HSPH1: variants seen among roughly 807,000 people sequenced by gnomAD.
HSPH1 encodes heat shock protein family H (Hsp110) member 1.
A neutral mutation model predicts 100.0 loss-of-function variants in HSPH1; 40 were observed. The observed-to-expected ratio is 0.40, with a 90% CI of 0.31 to 0.52. The LOEUF is 0.52. HSPH1 is among the 20% of genes least tolerant of loss of function. The pLI is 0.54. For synonymous variants in HSPH1, 403 were observed against 344.0 expected, an observed-to-expected ratio of 1.17 and a Z score of -1.90; for missense variants, 876 against 1,015.1, an observed-to-expected ratio of 0.86 and a Z score of 1.86.
In HSPH1 at chr13:31,161,904, C is replaced by A. The variant is rs1406712069; in HGVS notation, c.-322G>T. 1 of 1,507,040 alleles carries A rather than the reference C, an allele frequency of 6.6e-7. No individual in the cohort carries two copies. Among genetic ancestry groups the A allele is most frequent in the Non-Finnish European group, 8.9e-7 (1 of 1,128,950 alleles). 93.4% of individuals were successfully genotyped at this position (1,507,040 alleles called of 1,614,324 possible). ...CGGCGCCGGCGCTGAACTACCGACC[C>A]AAAAGGGGAGGTCCCACTTCCTCAG... On this transcript the variant is annotated 5_prime_UTR_variant, in exon 1 of 18. Transcript: ENST00000320027.
rs192862800 is a variant in HSPH1 at position 31,136,343 on chromosome 13, C to A, written c.*975G>T. 6.6e-6 allele frequency: 1 copy of A among 152,082 alleles called. No homozygotes were observed. The highest frequency in any genetic ancestry group is 1.5e-5 in the Non-Finnish European group (1 of 68,020). The allele number at this position is 152,082 out of a possible 1,614,324, so 9.4% of individuals were successfully genotyped here. ...TAACATAGACACTCACACAAATATA[C>A]CCCCATCATTAGGGGTAAAAGGCTC... On this transcript the variant is annotated 3_prime_UTR_variant, in exon 18 of 18. Transcript: ENST00000320027.
chr13:31,161,986 GCCTCCACCGGCC>G (rs1566022859), upstream of HSPH1: 3 of 1,535,928 alleles, frequency 2.0e-6, no homozygotes, highest in South Asian at 2.4e-5. Context: ...ACTCACCGGC[GCCTCCACCGGCC>G]CCTCCACGTG....
intron 12 of HSPH1, among the ~76,000 whole-genome samples, chr13:31,143,544 T>C (rs1956170639): frequency 6.6e-6 from 1 of 152,100 alleles, no homozygotes; most frequent in African/African-American, 2.4e-5. Context: ...ATTAGTCTCT[T>C]GTTACTTCGA....
In HSPH1 at chr13:31,136,373, G is replaced by A. The variant is rs374373907; in HGVS notation, c.*945C>T. On this transcript the variant is annotated 3_prime_UTR_variant, in exon 18 of 18. Transcript: ENST00000320027. Reference sequence around the variant, plus strand: ...ATCATTAGGGGTAAAAGGCTCCAAGGATGTATAACGAAGTGTTAACAATGT... The same window carrying A: ...ATCATTAGGGGTAAAAGGCTCCAAGAATGTATAACGAAGTGTTAACAATGT... The A allele has an allele frequency of 2.5e-4, 38 of 152,214 alleles. 1 individual carries two copies. The highest frequency in any genetic ancestry group is 1.4e-3 in the East Asian group (7 of 5,178). 9.4% of individuals were successfully genotyped at this position (152,214 alleles called of 1,614,324 possible).
intron 4 of HSPH1, 115 bp downstream of exon 4, chr13:31,154,518 A>G (rs774629981): frequency 8.6e-7 from 1 of 1,169,516 alleles, no homozygotes; most frequent in Non-Finnish European, 1.3e-6. Flanking sequence ...AATACAGTCC[A>G]GTAGAACACG....
chr13:31,142,919 GAA>G, intron 12 of HSPH1, among the ~76,000 whole-genome samples: 1 of 152,162 alleles, frequency 6.6e-6, no homozygotes, highest in Non-Finnish European at 1.5e-5. Context: ...GCAGCTTTCA[GAA>G]ATCAGAGTCA....
At chr13:31,139,133 G>C in intron 14 of HSPH1, 26 bp from the exon 15 acceptor site, 1 of 1,338,632 alleles carries the variant, frequency 7.5e-7, no homozygotes, top group South Asian at 1.2e-5. Flanking sequence ...GACAATATTA[G>C]TGGCACTCGT....
Position 31,153,172 on chromosome 13 carries a change from C to G in HSPH1, c.430-221G>C, listed in dbSNP as rs181771399. ...AAATTACAGGATCAAAATAGTCTTT[C>G]TTATAACCAAGTTCAAGCTGAAATA... On this transcript the variant is annotated intron_variant, in intron 4 of 17. Transcript: ENST00000320027. Among the ~76,000 whole-genome samples, 3 of 152,232 alleles carry G rather than the reference C, an allele frequency of 2.0e-5. No homozygotes were observed. The East Asian group carries it at 5.8e-4, about 29-fold the overall frequency.
intron 4 of HSPH1, 147 bp from the exon 5 acceptor site, chr13:31,153,098 A>G (rs1462542203): frequency 1.2e-5 from 7 of 580,972 alleles, no homozygotes; most frequent in Non-Finnish European, 2.1e-5. Flanking sequence ...GTTTTCTGCA[A>G]GCTCCTTAAC....
At chr13:31,158,548 C>CAAAAAAAA (rs11363658) in intron 2 of HSPH1, among the ~76,000 whole-genome samples, 2 of 63,834 alleles carry the variant, frequency 3.1e-5, no homozygotes, top group African/African-American at 6.8e-5. Context: ...GACTCTATCT[C>CAAAAAAAA]AAAAAAAAAA....
intron 16 of HSPH1, 70 bp downstream of exon 16, chr13:31,138,711 T>A (rs889809442): frequency 6.4e-7 from 1 of 1,552,034 alleles, no homozygotes; most frequent in African/African-American, 1.4e-5. Flanking sequence ...TCATGATGAT[T>A]CCCAGCTTAA....
In HSPH1 at chr13:31,141,107, A is replaced by C; in HGVS notation, c.1854+15T>G. On this transcript the variant is annotated intron_variant, in intron 13 of 17. Transcript: ENST00000320027. ...AACATATTTCAAAATAAAAATATTT[A>C]ATTGAAGTACTTACCTCTGTCTCAA... 6.8e-7 allele frequency: 1 copy of C among 1,465,964 alleles called. No individual in the cohort carries two copies. Among genetic ancestry groups the C allele is most frequent in the South Asian group, 1.4e-5 (1 of 71,714 alleles). 90.8% of individuals were successfully genotyped at this position (1,465,964 alleles called of 1,614,324 possible). A position where few individuals can be genotyped will look rare whatever the true frequency, so the allele number is the denominator to read the frequency against.
rs1205294652 is a variant in HSPH1 at position 31,154,707 on chromosome 13, C to T, written c.355G>A (p.Ala119Thr). 4 of 1,613,652 alleles carry T rather than the reference C, an allele frequency of 2.5e-6. No individual in the cohort carries two copies. Among genetic ancestry groups the T allele is most frequent in the Non-Finnish European group, 3.4e-6 (4 of 1,179,592 alleles). Residue 119 changes from alanine to threonine, a missense_variant, in exon 4 of 18, where the codon GCC (alanine) becomes ACC (threonine). Coordinates refer to ENST00000320027, the MANE Select transcript of HSPH1 (RefSeq NM_006644.4). ...EHLFSVEQIT[A>T]MLLTKLKETA... is the part of the protein sequence containing the mutation. ...TCCTTCAGCTTAGTCAACAACATGG[C>T]TGTTATCTGCTCCACACTAAATAGA... is the stretch of plus-strand genomic sequence containing the variant.
chr13:31,162,310 C>T (rs1956953112), upstream of HSPH1: 2 of 592,264 alleles, frequency 3.4e-6, no homozygotes, highest in South Asian at 4.0e-5. Flanking sequence ...TGCAGAGACC[C>T]CAGACACCGG....
chr13:31,153,554 T>C (rs1054626877), intron 4 of HSPH1, among the ~76,000 whole-genome samples: 1 of 152,192 alleles, frequency 6.6e-6, no homozygotes, highest in African/African-American at 2.4e-5. Flanking sequence ...CAGCACTGAC[T>C]TGAGCTATTC....
intron 10 of HSPH1, among the ~76,000 whole-genome samples, chr13:31,146,691 C>T (rs1229093898): frequency 1.3e-5 from 2 of 152,112 alleles, no homozygotes; most frequent in African/African-American, 4.8e-5. Context: ...TCCAGACTGT[C>T]TGGGCTTGAA....
intron 8 of HSPH1, 92 bp from the exon 9 acceptor site, chr13:31,148,572 C>CAAA (rs33938762): frequency 2.7e-4 from 37 of 136,386 alleles, no homozygotes; most frequent in South Asian, 9.9e-4. Context: ...ACAGGGTTTT[C>CAAA]AAAAAAAAAA....
chr13:31,139,073 G>C lies in HSPH1; in HGVS notation c.2015C>G (p.Thr672Ser). Residue 672 changes from threonine (T) to serine (S), a missense_variant, in exon 15 of 18, where the codon ACT becomes AGT. Physicochemically the swap from Thr to Ser is moderately conservative, Grantham distance 58. Transcript: ENST00000320027. ...HQNFLRLLTE[T>S]EDWLYEEGED... Reference sequence around the variant, plus strand: ...TCCTTCTTCATACAGCCAGTCTTCAGTTTCTGTGAGGAGTCTCAAAAAATT... The same window carrying C: ...TCCTTCTTCATACAGCCAGTCTTCACTTTCTGTGAGGAGTCTCAAAAAATT... 6.2e-7 allele frequency: 1 copy of C among 1,612,684 alleles called. No individual in the cohort carries two copies. The highest frequency in any genetic ancestry group is 8.5e-7 in the Non-Finnish European group (1 of 1,178,894).
intron 1 of HSPH1, among the ~76,000 whole-genome samples, chr13:31,160,559 T>C (rs779718946): frequency 6.6e-6 from 1 of 152,236 alleles, no homozygotes; most frequent in Non-Finnish European, 1.5e-5. Context: ...CATGCAGATA[T>C]GTTTGTATAT....
Sources: allele counts gnomAD v4.1 joint callset (sites outside exome capture counted in the v4.1 genomes callset), GRCh38; gene constraint gnomAD v4.1.1; transcripts MANE v1.5; gene names NCBI Gene and HGNC (gene_info 2026-07-23, HGNC 2026-07-21).